The following TMEM266 variants were observed in gnomAD, a reference collection of about 807,000 sequenced individuals.
TMEM266 encodes the protein Hv1 related protein 1.
A neutral mutation model predicts 50.5 loss-of-function variants in TMEM266; 33 were observed. The observed-to-expected ratio is 0.65, with a 90% CI of 0.50 to 0.87. The LOEUF (loss-of-function observed/expected upper bound fraction) is 0.87. Ranked by LOEUF, TMEM266 falls within the 40% of genes least tolerant of loss-of-function variation. The probability of loss-of-function intolerance (pLI) is 0.00; values close to 1 mark genes in which losing one functional copy is unlikely to be tolerated. For missense variants in TMEM266, 655 were observed against 695.1 expected, an observed-to-expected ratio of 0.94 and a Z score of 0.65; for synonymous variants, 310 against 292.3, an observed-to-expected ratio of 1.06 and a Z score of -0.62.
intron 5 of TMEM266, among the ~76,000 whole-genome samples, chr15:76,169,507 T>A (rs2959857): frequency 0.22 from 33,159 of 150,858 alleles, 4,014 homozygotes; most frequent in Non-Finnish European, 0.28. Context: ...TCCAAGGGAT[T>A]TGAGTGTATT....
intron 1 of TMEM266, among the ~76,000 whole-genome samples, chr15:76,092,729 T>A (rs1300859323): frequency 6.6e-6 from 1 of 151,484 alleles, no homozygotes; most frequent in Non-Finnish European, 1.5e-5. Context: ...AGTCACTGAA[T>A]CTATACTATG....
chr15:76,104,464 C>G (rs935805781), intron 1 of TMEM266, among the ~76,000 whole-genome samples: 1 of 152,144 alleles, frequency 6.6e-6, no homozygotes, highest in Non-Finnish European at 1.5e-5. Context: ...TACTGGACAG[C>G]GCTGATATGT....
intron 1 of TMEM266, among the ~76,000 whole-genome samples, chr15:76,110,586 G>A (rs1246586252): frequency 2.0e-5 from 3 of 152,146 alleles, no homozygotes; most frequent in Admixed American, 6.5e-5. Context: ...CCATAGACAT[G>A]GACTGCCAAA....
intron 1 of TMEM266, among the ~76,000 whole-genome samples, chr15:76,094,599 G>A (rs1161340618): frequency 1.3e-5 from 2 of 152,016 alleles, no homozygotes; most frequent in African/African-American, 4.8e-5. Flanking sequence ...GGCTATGCAG[G>A]CTCTTTTTTG....
At chr15:76,178,255 G>A (rs2038328173) in intron 8 of TMEM266, among the ~76,000 whole-genome samples, 1 of 152,122 alleles carries the variant, frequency 6.6e-6, no homozygotes, top group East Asian at 1.9e-4. Flanking sequence ...GAGAGGGCAG[G>A]GTGGAGACAG....
intron 1 of TMEM266, among the ~76,000 whole-genome samples, chr15:76,097,638 G>A (rs536040770): frequency 1.3e-5 from 2 of 151,870 alleles, no homozygotes; most frequent in South Asian, 4.2e-4. Flanking sequence ...TTTGAATGTT[G>A]GCCTGTCTTG....
chr15:76,121,390 TAACAA>T (rs1467134469), intron 1 of TMEM266, among the ~76,000 whole-genome samples: 1 of 152,142 alleles, frequency 6.6e-6, no homozygotes, highest in African/African-American at 2.4e-5. Context: ...TTGGTGGGCT[TAACAA>T]AACAAGCCTT....
intron 1 of TMEM266, among the ~76,000 whole-genome samples, chr15:76,089,676 T>G (rs2036823414): frequency 6.6e-6 from 1 of 152,042 alleles, no homozygotes; most frequent in Non-Finnish European, 1.5e-5. Context: ...GGTCGTGCGT[T>G]TTTTGTTTTG....
intron 5 of TMEM266, among the ~76,000 whole-genome samples, chr15:76,167,206 C>T (rs900945126): frequency 1.3e-5 from 2 of 152,132 alleles, no homozygotes; most frequent in African/African-American, 2.4e-5. Flanking sequence ...CGCGGTGGCT[C>T]ATGCCTGTAA....
At chr15:76,189,141 A>G (rs1021833954) in intron 8 of TMEM266, among the ~76,000 whole-genome samples, 4 of 152,176 alleles carry the variant, frequency 2.6e-5, no homozygotes, top group African/African-American at 9.7e-5. Flanking sequence ...GCAGTGAGCT[A>G]TGATCATGCC....
intron 1 of TMEM266, among the ~76,000 whole-genome samples, chr15:76,080,315 C>CGA (rs879602247): frequency 2.2e-4 from 30 of 136,232 alleles, no homozygotes; most frequent in South Asian, 5.0e-4. Context: ...TGCAGTGGCA[C>CGA]GATCTTGGCT....
chr15:76,197,987 G>C (rs1256856035), intron 9 of TMEM266, among the ~76,000 whole-genome samples: 1 of 152,238 alleles, frequency 6.6e-6, no homozygotes, highest in African/African-American at 2.4e-5. Context: ...GGTTTGCAAA[G>C]TGCTCACACC....
intron 8 of TMEM266, chr15:76,176,071 C>T (rs139577391): frequency 4.1e-5 from 7 of 169,622 alleles, no homozygotes; most frequent in African/African-American, 9.6e-5. Context: ...CCACGCGGGA[C>T]GCCCAGGGCC....
Position 76,139,538 on chromosome 15 carries a change from A to G in TMEM266, c.227+1643A>G, listed in dbSNP as rs561266457. On this transcript the variant is annotated intron_variant, in intron 3 of 10. Coordinates refer to ENST00000388942, the MANE Select transcript of TMEM266 (RefSeq NM_152335.3). The surrounding 1 kb of genome is among the most constrained non-coding windows in gnomAD (Gnocchi z 4.1). ...GCCCCGTACTTAGAAGGGTCCCAACACTTGGCTAAATGCTCTGCCGCTGCT... is the reference window on the plus strand; with the variant it reads ...GCCCCGTACTTAGAAGGGTCCCAACGCTTGGCTAAATGCTCTGCCGCTGCT... Among the ~76,000 whole-genome samples, 1 of 152,298 alleles carries G rather than the reference A, an allele frequency of 6.6e-6. No homozygotes were observed. Among genetic ancestry groups the G allele is most frequent in the East Asian group, 1.9e-4 (1 of 5,176 alleles).
At chr15:76,171,258 A>G in intron 7 of TMEM266, 127 bp downstream of exon 7, 1 of 1,335,996 alleles carries the variant, frequency 7.5e-7, no homozygotes, top group Non-Finnish European at 1.0e-6. Flanking sequence ...AACTGTCGGC[A>G]GGGAGAGGGG....
chr15:76,120,588 C>T (rs915067391), intron 1 of TMEM266, among the ~76,000 whole-genome samples: 4 of 151,652 alleles, frequency 2.6e-5, no homozygotes, highest in African/African-American at 7.3e-5. Context: ...TGGCGAAACC[C>T]CATCTCTACT....
At chr15:76,145,605 T>C (rs2037744421) in intron 3 of TMEM266, among the ~76,000 whole-genome samples, 1 of 152,240 alleles carries the variant, frequency 6.6e-6, no homozygotes, top group Non-Finnish European at 1.5e-5. Flanking sequence ...CCAGAGTACA[T>C]TACTGTTACT....
chr15:76,090,057 G>A (rs76755163), intron 1 of TMEM266, among the ~76,000 whole-genome samples: 1,735 of 152,268 alleles, frequency 0.011, 36 homozygotes, highest in African/African-American at 0.038. Flanking sequence ...TTTGAAATTC[G>A]TGTGTGACAT....
intron 3 of TMEM266, among the ~76,000 whole-genome samples, chr15:76,144,307 C>T (rs35980406): frequency 0.082 from 12,456 of 152,154 alleles, 706 homozygotes; most frequent in Middle Eastern, 0.15. Context: ...TCCAAGATGC[C>T]CCAAAGCTAC....
Sources: gnomAD v4.1 joint callset for allele counts (sites outside exome capture counted in the v4.1 genomes callset) on GRCh38, gnomAD v4.1.1 for gene constraint, Gnocchi (gnomAD v3.1) non-coding constraint, MANE v1.5 for transcripts, NCBI Gene and HGNC (gene_info 2026-07-23, HGNC 2026-07-21) for gene names.